SYT9: variants seen among roughly 807,000 people sequenced by gnomAD.
The protein encoded by SYT9 is synaptotagmin 9.
Under a neutral mutation model 48.4 loss-of-function variants are expected in SYT9, and 22 were observed. The ratio of observed to expected loss-of-function variants is 0.45; its 90% CI spans 0.32 to 0.65. SYT9 has a LOEUF of 0.65. SYT9 is among the 30% of genes least tolerant of loss of function. The pLI, the probability that SYT9 is intolerant of heterozygous loss-of-function variation, is 0.03. For synonymous variants in SYT9, 265 were observed against 245.0 expected (o/e 1.08, Z -0.76); for missense variants, 577 against 622.0 (o/e 0.93, Z 0.77).
chr11:7,410,973 GC>G (rs1847127338), intron 3 of SYT9, among the ~76,000 whole-genome samples: 2 of 152,208 alleles, frequency 1.3e-5, no homozygotes, highest in Admixed American at 1.3e-4. Flanking sequence ...TCCTGCCTCA[GC>G]CTCCCAAGTA....
chr11:7,313,234 C>G (rs1849173047), intron 2 of SYT9, among the ~76,000 whole-genome samples, 161 bp from the exon 3 acceptor site: 1 of 152,148 alleles, frequency 6.6e-6, no homozygotes, highest in South Asian at 2.1e-4. Flanking sequence ...CTTACTCACA[C>G]TGATGAGCAT....
chr11:7,432,578 AAAAAATATATATACATATATATAT>A lies in SYT9; in HGVS notation c.1467+11945_1467+11968del, dbSNP rs1564902017. 6.1e-3 allele frequency among the ~76,000 whole-genome samples: 55 copies of A among 9,026 alleles called. 1 individual carries two copies. Among genetic ancestry groups the A allele is most frequent in the South Asian group, 0.014 (2 of 138 alleles). The allele number at this position is 9,026 out of a possible 152,430, so 5.9% of individuals were successfully genotyped here. ...AAAAAAAAAAAAAAAAAAAAAAAAA[AAAAAATATATATACATATATATAT>A]ATATATATATATATATATATATATA... On this transcript the variant is annotated intron_variant, in intron 6 of 6. Coordinates refer to ENST00000318881, the MANE Select transcript of SYT9 (RefSeq NM_175733.4).
intron 1 of SYT9, among the ~76,000 whole-genome samples, chr11:7,295,596 G>T (rs1848786595): frequency 6.6e-6 from 1 of 152,204 alleles, no homozygotes; most frequent in Non-Finnish European, 1.5e-5. Flanking sequence ...ATTCATGGCA[G>T]TGTAAGCTTT....
intron 1 of SYT9, among the ~76,000 whole-genome samples, chr11:7,300,926 A>G (rs1274003069): frequency 6.6e-6 from 1 of 151,740 alleles, no homozygotes; most frequent in African/African-American, 2.4e-5. Context: ...AGCCCCTTTT[A>G]CTTTGACCCC....
At chr11:7,346,399 A>G (rs1445473625) in intron 3 of SYT9, among the ~76,000 whole-genome samples, 1 of 152,240 alleles carries the variant, frequency 6.6e-6, no homozygotes, top group South Asian at 2.1e-4. Flanking sequence ...GGGACCCAGA[A>G]CAGAGTTGGC....
chr11:7,319,147 A>G (rs1254587430), intron 3 of SYT9, among the ~76,000 whole-genome samples: 2 of 129,764 alleles, frequency 1.5e-5, no homozygotes, highest in Admixed American at 7.6e-5. Flanking sequence ...GGGTCAGGAT[A>G]TTCATTCCCC....
chr11:7,262,667 A>G (rs1848101451), intron 1 of SYT9, among the ~76,000 whole-genome samples: 1 of 152,166 alleles, frequency 6.6e-6, no homozygotes, highest in South Asian at 2.1e-4. Context: ...GTCAAGTGCT[A>G]CTGTTAGGTC....
intron 2 of SYT9, among the ~76,000 whole-genome samples, chr11:7,306,287 T>C (rs1272274152): frequency 3.9e-5 from 6 of 152,186 alleles, no homozygotes; most frequent in Non-Finnish European, 1.5e-5. Flanking sequence ...CTGATTCATG[T>C]CCTAAGATGA....
upstream of SYT9, among the ~76,000 whole-genome samples, chr11:7,247,467 A>G (rs1847804602): frequency 1.3e-5 from 2 of 150,320 alleles, no homozygotes; most frequent in Non-Finnish European, 3.0e-5. Flanking sequence ...TCCATCATAT[A>G]TATATACATA....
At chr11:7,353,644 T>C (rs1472733724) in intron 3 of SYT9, among the ~76,000 whole-genome samples, 2 of 152,232 alleles carry the variant, frequency 1.3e-5, no homozygotes, top group Non-Finnish European at 2.9e-5. Flanking sequence ...CTATAGTTTT[T>C]AGAGTTCATT....
intron 3 of SYT9, among the ~76,000 whole-genome samples, chr11:7,319,308 G>A (rs1260314455): frequency 6.9e-6 from 1 of 145,254 alleles, no homozygotes; most frequent in Non-Finnish European, 1.5e-5. Flanking sequence ...TCTGGAATAT[G>A]CCTTTATTTT....
chr11:7,268,486 T>C (rs1458625814), intron 1 of SYT9, among the ~76,000 whole-genome samples: 1 of 151,950 alleles, frequency 6.6e-6, no homozygotes, highest in Admixed American at 6.6e-5. Context: ...AGCATATAAA[T>C]ATATTGTAAA....
At chr11:7,379,945 T>A (rs1589984646) in intron 3 of SYT9, among the ~76,000 whole-genome samples, 1 of 152,150 alleles carries the variant, frequency 6.6e-6, no homozygotes, top group Non-Finnish European at 1.5e-5. Flanking sequence ...GCTGGGTATA[T>A]ACCCAAAAGA....
intron 1 of SYT9, among the ~76,000 whole-genome samples, chr11:7,285,730 T>C (rs764962716): frequency 2.5e-4 from 38 of 152,194 alleles, no homozygotes; most frequent in Non-Finnish European, 4.1e-4. Flanking sequence ...AGTGACTTGC[T>C]AGATACAATG....
At position 7,303,319 on chromosome 11, in the gene SYT9, G is replaced by A. The variant is rs745745380; in HGVS notation, c.426G>A (p.Thr142=). 36 of 1,613,678 alleles carry A rather than the reference G, an allele frequency of 2.2e-5. No individual in the cohort carries two copies. The highest frequency in any genetic ancestry group is 4.5e-5 in the East Asian group (2 of 44,860). The change falls in exon 2 of 7, where the codon ACG becomes ACA. Residue 142 remains threonine, a synonymous_variant. Transcript: ENST00000318881. ...CTGACATTCCCCTCTCCACCCAGAC[G>A]GGGATCCAGGAGAACTGTGCCCATG... ...TSPDIPLSTQ[T]GIQENCAHGV... is the part of the protein sequence containing the mutation.
intron 3 of SYT9, among the ~76,000 whole-genome samples, chr11:7,335,931 A>G (rs1849623551): frequency 6.6e-6 from 1 of 152,082 alleles, no homozygotes. Flanking sequence ...GCTTTCCACG[A>G]TGGTTGAACT....
At chr11:7,415,594 C>T (rs1362538459) in intron 3 of SYT9, among the ~76,000 whole-genome samples, 2 of 152,008 alleles carry the variant, frequency 1.3e-5, no homozygotes, top group African/African-American at 4.8e-5. Flanking sequence ...GGGTGGGGCA[C>T]TACAGTACTG....
rs762713738 is a variant in SYT9 at position 7,420,527 on chromosome 11, C to T, written c.1359C>T (p.Ile453=). 2.0e-5 allele frequency: 32 copies of T among 1,613,936 alleles called. No homozygotes were observed. Among genetic ancestry groups the T allele is most frequent in the South Asian group, 2.0e-4 (18 of 91,080 alleles). The change falls in exon 6 of 7, where the codon ATC becomes ATT. Residue 453 remains isoleucine (I), a synonymous_variant. Coordinates refer to ENST00000318881, the MANE Select transcript of SYT9 (RefSeq NM_175733.4). ...DYDRVGHNEI[I]GVCQVGNEAE... ...ACAGTGTAGGTCACAATGAGATCAT[C>T]GGCGTGTGTCAAGTAGGCAACGAGG...
At chr11:7,279,003 A>G (rs1252317637) in intron 1 of SYT9, among the ~76,000 whole-genome samples, 1 of 152,236 alleles carries the variant, frequency 6.6e-6, no homozygotes, top group Non-Finnish European at 1.5e-5. Flanking sequence ...TGTTTGAATC[A>G]GGAAGGAAGA....
Sources: gnomAD v4.1 joint callset for allele counts (sites outside exome capture counted in the v4.1 genomes callset) on GRCh38, gnomAD v4.1.1 for gene constraint, MANE v1.5 for transcripts, NCBI Gene and HGNC (gene_info 2026-07-23, HGNC 2026-07-21) for gene names.